The following LRFN1 variants were observed in gnomAD, a reference collection of about 807,000 sequenced individuals.
The protein encoded by LRFN1 is leucine rich repeat and fibronectin type III domain containing 1.
LRFN1 carries 20 observed loss-of-function variants against 31.8 expected under a neutral mutation model. The ratio of observed to expected loss-of-function variants is 0.63; its 90% CI spans 0.44 to 0.91. The LOEUF (loss-of-function observed/expected upper bound fraction) is 0.91. Ranked by LOEUF, LRFN1 falls within the 40% of genes least tolerant of loss-of-function variation. LRFN1 has a pLI of 0.00. For synonymous variants in LRFN1, 514 were observed against 541.3 expected (o/e 0.95, Z 0.70); for missense variants, 912 against 1,129.8 (o/e 0.81, Z 2.76).
At position 39,314,533 on chromosome 19, in the gene LRFN1, G is replaced by C; in HGVS notation, c.804C>G (p.Arg268=). ...CELLWLRRLT[R]EDDLETCATP... The stretch of plus-strand genomic sequence containing the variant: ...TGGCGCAGGTCTCTAAGTCGTCCTC[G>C]CGGGTCAGCCGCCGCAGCCAGAGCA... The change falls in exon 4 of 5, where the codon CGC becomes CGG. Residue 268 remains arginine (R), a synonymous_variant. Coordinates refer to ENST00000248668, the MANE Select transcript of LRFN1 (RefSeq NM_020862.2). The C allele has an allele frequency of 1.2e-6, 2 of 1,609,808 alleles. No individual in the cohort carries two copies. The highest frequency in any genetic ancestry group is 1.7e-6 in the Non-Finnish European group (2 of 1,178,756).
At position 39,309,853 on chromosome 19, in the gene LRFN1, T is replaced by G. The variant is rs554628714; in HGVS notation, c.1407-1311A>C. ...CCCTCCCCTCGAATGAAGACTAGTGTAGAGAAGTGGTTAAGATGACAAAGG... is the reference window on the plus strand; with the variant it reads ...CCCTCCCCTCGAATGAAGACTAGTGGAGAGAAGTGGTTAAGATGACAAAGG... On this transcript the variant is annotated intron_variant, in intron 4 of 4. Coordinates refer to ENST00000248668, the MANE Select transcript of LRFN1 (RefSeq NM_020862.2). Among the ~76,000 whole-genome samples, 10 of 152,330 alleles carry G rather than the reference T, an allele frequency of 6.6e-5. No individual in the cohort carries two copies. In the South Asian group the frequency reaches 2.1e-3, roughly 32 times the overall value.
chr19:39,308,636 C>T lies in LRFN1; in HGVS notation c.1407-94G>A, dbSNP rs868324224. Reference sequence around the variant, plus strand: ...CCCATGGTGAACAGTGGGGACTAAACCCTGCTATCGAAGTCTCAGCCGCTA... The same window carrying T: ...CCCATGGTGAACAGTGGGGACTAAATCCTGCTATCGAAGTCTCAGCCGCTA... On this transcript the variant is annotated intron_variant, in intron 4 of 4. Transcript: ENST00000248668. The surrounding 1 kb of genome is among the most constrained non-coding windows in gnomAD (Gnocchi z 6.2). 10 of 1,155,580 alleles carry T rather than the reference C, an allele frequency of 8.7e-6. No individual in the cohort carries two copies. The highest frequency in any genetic ancestry group is 4.8e-5 in the South Asian group (3 of 62,258). 71.6% of individuals were successfully genotyped at this position (1,155,580 alleles called of 1,614,324 possible). A position where few individuals can be genotyped will look rare whatever the true frequency, so the allele number is the denominator to read the frequency against.
chr19:39,314,015 C>A lies in LRFN1; in HGVS notation c.1322G>T (p.Arg441Leu). The A allele has an allele frequency of 1.2e-6, 2 of 1,611,590 alleles. No individual in the cohort carries two copies. The highest frequency in any genetic ancestry group is 1.7e-6 in the Non-Finnish European group (2 of 1,179,774). The change falls in exon 4 of 5, where the codon CGC (arginine) becomes CTC (leucine). Residue 441 changes from arginine (R) to leucine (L), a missense_variant. This residue lies in a region of LRFN1 where 511 missense variants were observed against 557.0 expected (regional missense o/e 0.92). Coordinates refer to ENST00000248668, the MANE Select transcript of LRFN1 (RefSeq NM_020862.2). ...GGGCACAGGCCTCTGGGCTGGCCAG[C>A]GGATGAGCACGGAGTTCGAGGTGAG... is the stretch of plus-strand genomic sequence containing the variant. ...AELTSNSVLI[R>L]WPAQRPVPGI...
chr19:39,310,764 C>G (rs1024868640), intron 4 of LRFN1, among the ~76,000 whole-genome samples: 1 of 152,174 alleles, frequency 6.6e-6, no homozygotes, highest in African/African-American at 2.4e-5. Context: ...CTTATCTCTC[C>G]GATGCTTCCG....
At chr19:39,313,563 A>ATG (rs753643500) in intron 4 of LRFN1, among the ~76,000 whole-genome samples, 12 of 152,058 alleles carry the variant, frequency 7.9e-5, no homozygotes, top group Admixed American at 6.6e-4. Flanking sequence ...GTCACTGTAA[A>ATG]TGTGTGTGTG....
At position 39,314,593 on chromosome 19, in the gene LRFN1, G is replaced by A. The variant is rs2075163905; in HGVS notation, c.744C>T (p.Ser248=). The change falls in exon 4 of 5, where the codon AGC becomes AGT. Residue 248 remains serine (S), a synonymous_variant. Transcript: ENST00000248668. ...GPKPPTPLTV[S]FGGNPLHCNC... ...TGCAGTGCAGGGGGTTGCCGCCGAA[G>A]CTGACGGTCAGCGGGGTGGGCGGCT... 3 of 1,610,084 alleles carry A rather than the reference G, an allele frequency of 1.9e-6. No individual in the cohort carries two copies. The highest frequency in any genetic ancestry group is 1.3e-5 in the African/African-American group (1 of 74,904).
chr19:39,318,834 T>G (rs561001359), intron 1 of LRFN1, among the ~76,000 whole-genome samples: 1 of 152,224 alleles, frequency 6.6e-6, no homozygotes, highest in South Asian at 2.1e-4. Context: ...ACAACCCAAG[T>G]CTCTACATCT....
chr19:39,312,819 GA>G (rs1268919656), intron 4 of LRFN1, among the ~76,000 whole-genome samples: 10 of 142,712 alleles, frequency 7.0e-5, no homozygotes, highest in South Asian at 4.6e-4. Context: ...AAAAGAAAAA[GA>G]AAAAAAAAAA....
At chr19:39,312,865 T>C (rs1324201055) in intron 4 of LRFN1, among the ~76,000 whole-genome samples, 1 of 149,928 alleles carries the variant, frequency 6.7e-6, no homozygotes, top group Non-Finnish European at 1.5e-5. Flanking sequence ...AGGCCAGGAC[T>C]GCAACTCATA....
Position 39,310,773 on chromosome 19 carries a change from C to A in LRFN1, c.1407-2231G>T, listed in dbSNP as rs532522631. 2.0e-5 allele frequency among the ~76,000 whole-genome samples: 3 copies of A among 152,272 alleles called. No homozygotes were observed. In the East Asian group the frequency reaches 5.8e-4, roughly 29 times the overall value. On this transcript the variant is annotated intron_variant, in intron 4 of 4. Transcript: ENST00000248668. ...GGCCTGCTTATCTCTCCGATGCTTC[C>A]GCTTCCCCTCCAGCAGAGCCACCTT...
chr19:39,308,618 T>C lies in LRFN1; in HGVS notation c.1407-76A>G, dbSNP rs2075139674. On this transcript the variant is annotated intron_variant, in intron 4 of 4. Transcript: ENST00000248668. This position sits in a 1 kb window ranked among gnomAD's most constrained non-coding sequence, Gnocchi z 6.2. ...CCTTCGCTTTATGCCCCGCCCATGG[T>C]GAACAGTGGGGACTAAACCCTGCTA... is the stretch of plus-strand genomic sequence containing the variant. 7.6e-7 allele frequency: 1 copy of C among 1,318,010 alleles called. No homozygotes were observed. Among genetic ancestry groups the C allele is most frequent in the Admixed American group, 2.6e-5 (1 of 38,372 alleles). 81.6% of individuals were successfully genotyped at this position (1,318,010 alleles called of 1,614,324 possible). A position where few individuals can be genotyped will look rare whatever the true frequency, so the allele number is the denominator to read the frequency against.
chr19:39,318,561 C>T (rs1274927852), intron 1 of LRFN1, among the ~76,000 whole-genome samples: 1 of 152,120 alleles, frequency 6.6e-6, no homozygotes, highest in Non-Finnish European at 1.5e-5. Flanking sequence ...GTTCACCCTC[C>T]AAAGCCCAGG....
Position 39,315,176 on chromosome 19 carries a change from G to A in LRFN1, c.161C>T (p.Thr54Ile). 2.5e-6 allele frequency: 4 copies of A among 1,589,328 alleles called. No homozygotes were observed. The highest frequency in any genetic ancestry group is 3.4e-6 in the Non-Finnish European group (4 of 1,174,640). Residue 54 changes from threonine (T) to isoleucine (I), a missense_variant, in exon 4 of 5, where the codon ACC becomes ATC. By Grantham distance (89) the Thr-to-Ile change is moderately conservative (BLOSUM62 -1). Around this residue, in one of 2 missense-constraint regions of LRFN1, gnomAD observed 401 missense variants for 572.7 expected, o/e 0.70. Coordinates refer to ENST00000248668, the MANE Select transcript of LRFN1 (RefSeq NM_020862.2). This position sits in a 1 kb window ranked among gnomAD's most constrained non-coding sequence, Gnocchi z 4.7. ...GGCGGGCGGCACAAAGAGCAAGCCGGTCTTGGCGCACAGCATTGTCAGTGT... is the reference window on the plus strand; with the variant it reads ...GGCGGGCGGCACAAAGAGCAAGCCGATCTTGGCGCACAGCATTGTCAGTGT... ...APTLTMLCAKTGLLFVPPAID... is the reference protein window; with the variant it reads ...APTLTMLCAKIGLLFVPPAID...
chr19:39,319,738 G>T (rs1400441560), intron 1 of LRFN1, among the ~76,000 whole-genome samples: 2 of 151,860 alleles, frequency 1.3e-5, no homozygotes, highest in African/African-American at 4.8e-5. Flanking sequence ...CCAGGCCCAA[G>T]AAATCCTAAC....
intron 4 of LRFN1, among the ~76,000 whole-genome samples, chr19:39,311,687 G>A (rs888704954): frequency 7.9e-5 from 12 of 152,198 alleles, no homozygotes; most frequent in Middle Eastern, 3.4e-3. Context: ...TTGGAAGTTC[G>A]TTGTGAAGGT....
At position 39,308,098 on chromosome 19, in the gene LRFN1, G is replaced by T; in HGVS notation, c.1851C>A (p.Pro617=). The change falls in exon 5 of 5, where the codon CCC becomes CCA. Residue 617 remains proline (P), a synonymous_variant. Transcript: ENST00000248668. This position sits in a 1 kb window ranked among gnomAD's most constrained non-coding sequence, Gnocchi z 6.2. ...ALREVESQAA[P]AVAVEAKAME... is the part of the protein sequence containing the mutation. ...TGGCCTTGGCCTCGACGGCGACGGCGGGGGCAGCCTGGGACTCCACCTCGC... is the reference window on the plus strand; with the variant it reads ...TGGCCTTGGCCTCGACGGCGACGGCTGGGGCAGCCTGGGACTCCACCTCGC... 6.7e-7 allele frequency: 1 copy of T among 1,495,694 alleles called. No homozygotes were observed. The highest frequency in any genetic ancestry group is 8.9e-7 in the Non-Finnish European group (1 of 1,128,290). The allele number at this position is 1,495,694 out of a possible 1,614,324, so 92.7% of individuals were successfully genotyped here. A position where few individuals can be genotyped will look rare whatever the true frequency, so the allele number is the denominator to read the frequency against.
At position 39,314,297 on chromosome 19, in the gene LRFN1, G is replaced by A. The variant is rs778425399; in HGVS notation, c.1040C>T (p.Thr347Ile). Residue 347 changes from threonine to isoleucine, a missense_variant, in exon 4 of 5, where the codon ACC becomes ATC. Thr to Ile is a moderately conservative substitution (Grantham distance 89). Transcript: ENST00000248668. ...DGRLLGNSSR[T>I]RVRGDGTLDV... is the part of the protein sequence containing the mutation. ...CAGCGTCCCGTCCCCCCGGACCCGG[G>A]TCCGGCTGGAGTTCCCCAGCAGCCG... The A allele has an allele frequency of 7.5e-6, 12 of 1,608,512 alleles. No individual in the cohort carries two copies. In the Admixed American group the frequency reaches 1.3e-4, roughly 18 times the overall value.
Position 39,314,978 on chromosome 19 carries a change from A to G in LRFN1, c.359T>C (p.Leu120Pro), listed in dbSNP as rs1456565087. Residue 120 changes from leucine (L) to proline (P), a missense_variant, in exon 4 of 5, where the codon CTG becomes CCG. Physicochemically the swap from Leu to Pro is moderately conservative, Grantham distance 98 (BLOSUM62 -3). Coordinates refer to ENST00000248668, the MANE Select transcript of LRFN1 (RefSeq NM_020862.2). ...ADLRALRALH[L>P]DSNRLAEVRG... Reference sequence around the variant, plus strand: ...CACCTCCGCCAGGCGGTTGCTGTCCAGGTGCAGGGCCCGGAGGGCACGCAG... The same window carrying G: ...CACCTCCGCCAGGCGGTTGCTGTCCGGGTGCAGGGCCCGGAGGGCACGCAG... 4 of 1,592,320 alleles carry G rather than the reference A, an allele frequency of 2.5e-6. No individual in the cohort carries two copies. The highest frequency in any genetic ancestry group is 8.5e-7 in the Non-Finnish European group (1 of 1,174,956).
chr19:39,315,014 G>T lies in LRFN1; in HGVS notation c.323C>A (p.Ala108Asp). ...CCGGAGGGCACGCAGGTCGGCGAAG[G>T]CGCCAGCTGCCACCTGGCCGATGGT... ...RNTIGQVAAG[A>D]FADLRALRAL... The change falls in exon 4 of 5, where the codon GCC (alanine) becomes GAC (aspartate). Residue 108 changes from alanine (A) to aspartate (D), a missense_variant. Physicochemically the swap from Ala to Asp is moderately radical, Grantham distance 126. This residue lies in a region of LRFN1 where 401 missense variants were observed against 572.7 expected (regional missense o/e 0.70). Transcript: ENST00000248668. This position sits in a 1 kb window ranked among gnomAD's most constrained non-coding sequence, Gnocchi z 4.7. The T allele has an allele frequency of 1.3e-6, 2 of 1,593,396 alleles. No homozygotes were observed.
Sources: allele counts gnomAD v4.1 joint callset (sites outside exome capture counted in the v4.1 genomes callset), GRCh38; gene constraint gnomAD v4.1.1; regional missense constraint gnomAD v4.1.1; non-coding constraint Gnocchi (gnomAD v3.1); transcripts MANE v1.5; gene names NCBI Gene and HGNC (gene_info 2026-07-23, HGNC 2026-07-21).